Variants in ARHGAP44 observed in about 807,000 individuals in gnomAD.
ARHGAP44 encodes the protein Rho GTPase activating protein 44.
ARHGAP44 carries 43 observed loss-of-function variants against 106.8 expected under a neutral mutation model. That is an observed-to-expected ratio of 0.40 (90% CI 0.32 to 0.52). ARHGAP44 has a LOEUF of 0.52. Among genes scored for constraint, ARHGAP44 ranks in the 20% least tolerant of loss-of-function variants. The pLI is 0.48. For missense variants in ARHGAP44, 866 were observed against 1,050.5 expected, an observed-to-expected ratio of 0.82 and a Z score of 2.43; for synonymous variants, 439 against 410.3, an observed-to-expected ratio of 1.07 and a Z score of -0.85.
At chr17:12,983,961 G>A (rs1402942071) in intron 19 of ARHGAP44, among the ~76,000 whole-genome samples, 2 of 152,186 alleles carry the variant, frequency 1.3e-5, no homozygotes, top group African/African-American at 2.4e-5. Context: ...AGCATATAAA[G>A]TAATGAAGGA....
In ARHGAP44 at chr17:12,990,174, T is replaced by G. The variant is rs772966413; in HGVS notation, c.*3T>G. The G allele has an allele frequency of 1.2e-6, 2 of 1,610,860 alleles. No homozygotes were observed. The highest frequency in any genetic ancestry group is 2.2e-5 in the South Asian group (2 of 91,026). On this transcript the variant is annotated 3_prime_UTR_variant, in exon 21 of 21. Transcript: ENST00000379672. ...AGTCTGAGAGCACCGCCCTCTGACATGACACCGCCCATCCTGCCTCGCGTG... is the reference window on the plus strand; with the variant it reads ...AGTCTGAGAGCACCGCCCTCTGACAGGACACCGCCCATCCTGCCTCGCGTG...
chr17:12,961,315 A>G (rs1188124740), intron 16 of ARHGAP44, among the ~76,000 whole-genome samples: 1 of 152,250 alleles, frequency 6.6e-6, no homozygotes, highest in East Asian at 1.9e-4. Context: ...TTTCTAAATG[A>G]TATGTCCACT....
At position 12,891,725 on chromosome 17, in the gene ARHGAP44, T is replaced by A. The variant is rs371040440; in HGVS notation, c.54-3215T>A. On this transcript the variant is annotated intron_variant, in intron 1 of 20. Transcript: ENST00000379672. Reference sequence around the variant, plus strand: ...AACTTATCATAGTCTGCTGCTATCATTATTTTACCGGTTTAAGTGATAGCT... The same window carrying A: ...AACTTATCATAGTCTGCTGCTATCAATATTTTACCGGTTTAAGTGATAGCT... 2.8e-4 allele frequency among the ~76,000 whole-genome samples: 43 copies of A among 152,272 alleles called. No homozygotes were observed. In the East Asian group the frequency reaches 2.9e-3, roughly 10 times the overall value.
At chr17:12,912,189 A>G (rs1157422369) in intron 4 of ARHGAP44, among the ~76,000 whole-genome samples, 1 of 152,204 alleles carries the variant, frequency 6.6e-6, no homozygotes, top group Non-Finnish European at 1.5e-5. Context: ...TTCAAATGGT[A>G]AGGGAAGATA....
chr17:12,841,637 C>CACAAA (rs1555546101), intron 1 of ARHGAP44, among the ~76,000 whole-genome samples: 1 of 101,618 alleles, frequency 9.8e-6, no homozygotes, highest in Admixed American at 1.0e-4. Flanking sequence ...CACACACACA[C>CACAAA]ACAAACAAAC....
intron 1 of ARHGAP44, among the ~76,000 whole-genome samples, chr17:12,800,616 A>C (rs1210057159): frequency 3.9e-5 from 6 of 152,208 alleles, no homozygotes; most frequent in Non-Finnish European, 8.8e-5. Context: ...TACCGGCCAA[A>C]AGTCATAGAG....
intron 1 of ARHGAP44, 109 bp from the exon 2 acceptor site, chr17:12,894,831 A>T: frequency 1.0e-6 from 1 of 966,708 alleles, no homozygotes; most frequent in Non-Finnish European, 1.6e-6. Context: ...TGTTTCTACT[A>T]CTCATGTCTC....
At chr17:12,879,967 T>A (rs1451016316) in intron 1 of ARHGAP44, among the ~76,000 whole-genome samples, 1 of 151,898 alleles carries the variant, frequency 6.6e-6, no homozygotes, top group Non-Finnish European at 1.5e-5. Flanking sequence ...AGAGAAAATA[T>A]AGAGAGGGGT....
intron 1 of ARHGAP44, 107 bp downstream of exon 1, chr17:12,789,998 C>A: frequency 9.1e-7 from 1 of 1,103,832 alleles, no homozygotes; most frequent in South Asian, 1.6e-5. Context: ...TTGCCTCAGT[C>A]CTTTCCCCTG....
chr17:12,904,363 C>T (rs563423550), intron 3 of ARHGAP44, among the ~76,000 whole-genome samples: 9 of 152,326 alleles, frequency 5.9e-5, no homozygotes, highest in Admixed American at 5.2e-4. Flanking sequence ...ACGTTGGCCT[C>T]CCAAAGCTCT....
At chr17:12,936,378 A>G (rs2038549641) in intron 7 of ARHGAP44, among the ~76,000 whole-genome samples, 1 of 152,096 alleles carries the variant, frequency 6.6e-6, no homozygotes. Flanking sequence ...ACCCTTGACA[A>G]CCACTGATCT....
chr17:12,796,025 A>G (rs2033907485), intron 1 of ARHGAP44, among the ~76,000 whole-genome samples: 1 of 152,180 alleles, frequency 6.6e-6, no homozygotes, highest in African/African-American at 2.4e-5. Context: ...TTTATGGTAG[A>G]AAAATCATAA....
chr17:12,917,226 TC>T (rs937999047), intron 5 of ARHGAP44: 3 of 154,436 alleles, frequency 1.9e-5, no homozygotes, highest in Non-Finnish European at 4.4e-5. Context: ...GTTGGGATTC[TC>T]CCCTATTAGG....
At chr17:12,871,332 C>T (rs1383034947) in intron 1 of ARHGAP44, among the ~76,000 whole-genome samples, 1 of 152,078 alleles carries the variant, frequency 6.6e-6, no homozygotes, top group Non-Finnish European at 1.5e-5. Flanking sequence ...CCCCTTGGTA[C>T]TTGTATTAGT....
At chr17:12,814,917 T>G (rs1009996928) in intron 1 of ARHGAP44, among the ~76,000 whole-genome samples, 3 of 152,190 alleles carry the variant, frequency 2.0e-5, no homozygotes, top group Non-Finnish European at 2.9e-5. Context: ...TAAATATTGC[T>G]GAATCATGGT....
intron 1 of ARHGAP44, among the ~76,000 whole-genome samples, chr17:12,807,156 A>G (rs141078645): frequency 6.6e-6 from 1 of 152,154 alleles, no homozygotes; most frequent in African/African-American, 2.4e-5. Flanking sequence ...TTTTATTGAC[A>G]CTTATGTGCA....
chr17:12,849,594 T>TTTTTTTTTTTTTTTTTTTTTTTTTTTG lies in ARHGAP44; in HGVS notation c.54-45346_54-45345insTTTTTTTTTTTTTTTTTTTTTTTTTTG, dbSNP rs11373135. Among the ~76,000 whole-genome samples the TTTTTTTTTTTTTTTTTTTTTTTTTTTG allele has an allele frequency of 2.7e-5, 3 of 112,428 alleles. 1 individual carries two copies. The highest frequency in any genetic ancestry group is 8.8e-5 in the African/African-American group (2 of 22,754). The allele number at this position is 112,428 out of a possible 152,430, so 73.8% of individuals were successfully genotyped here. Reference sequence around the variant, plus strand: ...TTTTTTTTTTTTTTTTTTTTTTTTTTGCTTGGCTTCAGCGTTTTCACCTTG... The same window carrying TTTTTTTTTTTTTTTTTTTTTTTTTTTG: ...TTTTTTTTTTTTTTTTTTTTTTTTTTTTTTTTTTTTTTTTTTTTTTTTTTTTGGCTTGGCTTCAGCGTTTTCACCTTG... On this transcript the variant is annotated intron_variant, in intron 1 of 20. Transcript: ENST00000379672.
intron 1 of ARHGAP44, among the ~76,000 whole-genome samples, chr17:12,807,166 A>G (rs2034299039): frequency 6.6e-6 from 1 of 152,230 alleles, no homozygotes; most frequent in Non-Finnish European, 1.5e-5. Flanking sequence ...ACTTATGTGC[A>G]TTAATACACA....
intron 5 of ARHGAP44, among the ~76,000 whole-genome samples, chr17:12,917,561 G>A (rs2037955504): frequency 1.3e-5 from 2 of 152,066 alleles, no homozygotes; most frequent in African/African-American, 4.8e-5. Context: ...CTCCATTGTG[G>A]GTGGGTCTTT....
Sources: gnomAD v4.1 joint callset for allele counts (sites outside exome capture counted in the v4.1 genomes callset) on GRCh38, gnomAD v4.1.1 for gene constraint, MANE v1.5 for transcripts, NCBI Gene and HGNC (gene_info 2026-07-23, HGNC 2026-07-21) for gene names.